MTARC2: variants seen among roughly 807,000 people sequenced by gnomAD.
MTARC2 encodes the protein MOCO sulphurase C-terminal domain containing 2.
Under a neutral mutation model 35.6 loss-of-function variants are expected in MTARC2, and 27 were observed. The observed-to-expected ratio is 0.76, with a 90% CI of 0.56 to 1.04. MTARC2 has a LOEUF of 1.04. Among genes scored for constraint, MTARC2 ranks in the 50% least tolerant of loss-of-function variants. The pLI is 0.00. For missense variants in MTARC2, 412 were observed against 432.5 expected, an observed-to-expected ratio of 0.95 and a Z score of 0.42; for synonymous variants, 158 against 167.1, an observed-to-expected ratio of 0.95 and a Z score of 0.42.
intron 4 of MTARC2, among the ~76,000 whole-genome samples, chr1:220,770,009 A>G (rs1671698227): frequency 6.7e-6 from 1 of 149,486 alleles, no homozygotes; most frequent in Non-Finnish European, 1.5e-5. Context: ...CGGGAGGCTG[A>G]GGCAGGAGAA....
chr1:220,759,809 G>A (rs1671392518), intron 2 of MTARC2, among the ~76,000 whole-genome samples: 1 of 152,050 alleles, frequency 6.6e-6, no homozygotes. Flanking sequence ...TTAGAGGGAA[G>A]GAAAAGGCCC....
intron 2 of MTARC2, among the ~76,000 whole-genome samples, 198 bp downstream of exon 2, chr1:220,755,318 G>C (rs1035345379): frequency 6.6e-6 from 1 of 152,172 alleles, no homozygotes; most frequent in Non-Finnish European, 1.5e-5. Context: ...CCTAGGATTT[G>C]TTTTAATCAG....
In MTARC2 at chr1:220,781,930, A is replaced by ATGGT; in HGVS notation, c.*30_*31+2dup. On this transcript the variant is annotated splice_region_variant and 3_prime_UTR_variant, in exon 7 of 8. Transcript: ENST00000366913. ...TGAGTGATGGATCCACTAGGGTGAT[A>ATGGT]TGGTAAAGGGTCAGCTTTGCTTCTG... is the stretch of plus-strand genomic sequence containing the variant. 6.2e-7 allele frequency: 1 copy of ATGGT among 1,610,712 alleles called. No homozygotes were observed. Among genetic ancestry groups the ATGGT allele is most frequent in the Non-Finnish European group, 8.5e-7 (1 of 1,177,912 alleles).
At chr1:220,750,130 C>G (rs1671090968) in intron 1 of MTARC2, among the ~76,000 whole-genome samples, 1 of 152,124 alleles carries the variant, frequency 6.6e-6, no homozygotes, top group Admixed American at 6.6e-5. Context: ...AAATCTCCCC[C>G]TGGTGATTTT....
At chr1:220,763,117 C>T in intron 4 of MTARC2, 67 bp downstream of exon 4, 1 of 1,609,574 alleles carries the variant, frequency 6.2e-7, no homozygotes, top group Non-Finnish European at 8.5e-7. Flanking sequence ...GGGAACTCTG[C>T]TCTAGCCAGA....
At chr1:220,765,637 ATCACGGC>A (rs201658180) in intron 4 of MTARC2, among the ~76,000 whole-genome samples, 1,760 of 152,298 alleles carry the variant, frequency 0.012, 14 homozygotes, top group Middle Eastern at 0.024. Flanking sequence ...CAGTGGTGCA[ATCACGGC>A]TCACTGCAGC....
At chr1:220,766,823 CT>C (rs200750094) in intron 4 of MTARC2, among the ~76,000 whole-genome samples, 59 of 105,984 alleles carry the variant, frequency 5.6e-4, no homozygotes, top group Non-Finnish European at 6.7e-4. Flanking sequence ...TCTTCTTCTT[CT>C]TTTTTTTTTT....
intron 4 of MTARC2, among the ~76,000 whole-genome samples, chr1:220,767,231 A>G (rs879743397): frequency 2.0e-5 from 3 of 152,192 alleles, no homozygotes; most frequent in Non-Finnish European, 4.4e-5. Flanking sequence ...TAAAGGCCTA[A>G]TGCATTAATC....
At chr1:220,763,201 C>A in intron 4 of MTARC2, 151 bp downstream of exon 4, 1 of 1,163,848 alleles carries the variant, frequency 8.6e-7, no homozygotes, top group East Asian at 2.5e-5. Context: ...CGGAGTTGTT[C>A]ACCCATTGTT....
In MTARC2 at chr1:220,748,559, G is replaced by A. The variant is rs1010693390; in HGVS notation, c.28G>A (p.Ala10Thr). Residue 10 changes from alanine to threonine, a missense_variant, in exon 1 of 8, where the codon GCC becomes ACC. Transcript: ENST00000366913. MGASSSSAL[A>T]RLGLPARPWP... ...GGGCGCTTCCAGCTCCTCCGCGCTG[G>A]CCCGCCTCGGCCTCCCAGCCCGGCC... The A allele has an allele frequency of 1.0e-5, 15 of 1,437,924 alleles. No homozygotes were observed. The Admixed American group carries it at 2.3e-4, about 22-fold the overall frequency. 89.1% of individuals were successfully genotyped at this position (1,437,924 alleles called of 1,614,324 possible).
At chr1:220,779,490 C>G (rs1386698512) in intron 4 of MTARC2, among the ~76,000 whole-genome samples, 1 of 152,138 alleles carries the variant, frequency 6.6e-6, no homozygotes, top group Non-Finnish European at 1.5e-5. Context: ...TAGTGGTTCC[C>G]ACGTTCAAGG....
chr1:220,774,789 A>ACTCACCTTGGCCTCCATT, intron 4 of MTARC2, among the ~76,000 whole-genome samples: 1 of 151,798 alleles, frequency 6.6e-6, no homozygotes, highest in Non-Finnish European at 1.5e-5. Flanking sequence ...GTATTTAAGA[A>ACTCACCTTGGCCTCCATT]CTCACCTTGG....
intron 1 of MTARC2, among the ~76,000 whole-genome samples, chr1:220,753,387 A>G (rs1352691026): frequency 1.3e-5 from 2 of 152,252 alleles, no homozygotes; most frequent in African/African-American, 4.8e-5. Flanking sequence ...CAGTTAGCAG[A>G]GCACAGGCTG....
At chr1:220,773,097 A>G (rs1671789468) in intron 4 of MTARC2, among the ~76,000 whole-genome samples, 1 of 152,072 alleles carries the variant, frequency 6.6e-6, no homozygotes, top group African/African-American at 2.4e-5. Context: ...CAGCTTTGGT[A>G]TGTGAGCTGG....
At position 220,784,392 on chromosome 1, in the gene MTARC2, G is replaced by T; in HGVS notation, c.*505G>T. On this transcript the variant is annotated 3_prime_UTR_variant, in exon 8 of 8. Coordinates refer to ENST00000366913, the MANE Select transcript of MTARC2 (RefSeq NM_017898.5). ...AAATGCCTAATATTGGTCTTTATGT[G>T]GCCATTGAGTCCTGTTGACTTTCCA... 1 of 164,462 alleles carries T rather than the reference G, an allele frequency of 6.1e-6. No homozygotes were observed. The highest frequency in any genetic ancestry group is 1.6e-4 in the South Asian group (1 of 6,350). The allele number at this position is 164,462 out of a possible 1,614,324, so 10.2% of individuals were successfully genotyped here.
At chr1:220,767,184 C>T (rs896311754) in intron 4 of MTARC2, among the ~76,000 whole-genome samples, 2 of 152,104 alleles carry the variant, frequency 1.3e-5, no homozygotes, top group African/African-American at 4.8e-5. Context: ...GCTAATGTTG[C>T]TGATTTATTC....
intron 1 of MTARC2, among the ~76,000 whole-genome samples, chr1:220,751,501 TC>T (rs930629246): frequency 1.3e-4 from 20 of 152,300 alleles, no homozygotes; most frequent in African/African-American, 4.6e-4. Flanking sequence ...GAGAAAGGAA[TC>T]CCTTAAGTTT....
intron 1 of MTARC2, chr1:220,754,427 G>A (rs1671221170): frequency 2.2e-6 from 1 of 456,238 alleles, no homozygotes; most frequent in African/African-American, 2.0e-5. Context: ...ACCCCCGCAT[G>A]CCGCGGCAAG....
intron 4 of MTARC2, among the ~76,000 whole-genome samples, chr1:220,776,721 C>T (rs1056185307): frequency 1.1e-4 from 16 of 152,170 alleles, no homozygotes; most frequent in Admixed American, 8.5e-4. Context: ...TTGTCAGACT[C>T]CCTGCCTTCT....
Sources: allele counts gnomAD v4.1 joint callset (sites outside exome capture counted in the v4.1 genomes callset), GRCh38; gene constraint gnomAD v4.1.1; transcripts MANE v1.5; gene names NCBI Gene and HGNC (gene_info 2026-07-23, HGNC 2026-07-21).